The following CNTNAP4 variants were observed in gnomAD, a reference collection of about 807,000 sequenced individuals.
CNTNAP4 encodes the protein contactin associated protein family member 4, also known as contactin-associated protein-like 4.
A neutral mutation model predicts 148.4 loss-of-function variants in CNTNAP4; 98 were observed. That is an observed-to-expected ratio of 0.66 (90% confidence interval 0.56 to 0.78). The LOEUF is 0.78. CNTNAP4 is among the 30% of genes least tolerant of loss of function. CNTNAP4 has a pLI of 0.00. For missense variants in CNTNAP4, 1,935 were observed against 1,565.6 expected (o/e 1.24, Z -3.98); for synonymous variants, 730 against 565.1 (o/e 1.29, Z -4.14).
intron 2 of CNTNAP4, among the ~76,000 whole-genome samples, chr16:76,342,630 G>A (rs1233366825): frequency 6.6e-6 from 1 of 151,868 alleles, no homozygotes; most frequent in African/African-American, 2.4e-5. Flanking sequence ...CCGCCACCAC[G>A]CTTGGCTAAT....
At chr16:76,440,450 C>G (rs1230401799) in intron 4 of CNTNAP4, among the ~76,000 whole-genome samples, 2 of 152,096 alleles carry the variant, frequency 1.3e-5, no homozygotes, top group Non-Finnish European at 2.9e-5. Flanking sequence ...CTTCAAGGGA[C>G]AAATCTCTAC....
At chr16:76,401,119 TG>T (rs2078400736) in intron 3 of CNTNAP4, among the ~76,000 whole-genome samples, 1 of 152,192 alleles carries the variant, frequency 6.6e-6, no homozygotes, top group Admixed American at 6.5e-5. Context: ...ATCTGTACAT[TG>T]CTTTGGGCAG....
intron 2 of CNTNAP4, among the ~76,000 whole-genome samples, chr16:76,322,498 C>T (rs6564316): frequency 0.037 from 5,639 of 152,244 alleles, 361 homozygotes; most frequent in African/African-American, 0.13. Context: ...GGAATTAATT[C>T]ACTATTCTTG....
At chr16:76,438,582 C>T (rs949680733) in intron 4 of CNTNAP4, among the ~76,000 whole-genome samples, 1 of 152,036 alleles carries the variant, frequency 6.6e-6, no homozygotes, top group African/African-American at 2.4e-5. Flanking sequence ...TCCAACAAAA[C>T]TTGAAACTAA....
At chr16:76,408,992 C>T (rs1597449382) in intron 3 of CNTNAP4, among the ~76,000 whole-genome samples, 1 of 151,948 alleles carries the variant, frequency 6.6e-6, no homozygotes, top group African/African-American at 2.4e-5. Flanking sequence ...GGGAACAAAG[C>T]CACAATGAGT....
At chr16:76,455,349 G>A (rs1476361604) in intron 8 of CNTNAP4, among the ~76,000 whole-genome samples, 1 of 152,204 alleles carries the variant, frequency 6.6e-6, no homozygotes, top group Non-Finnish European at 1.5e-5. Context: ...CCCATGGGCA[G>A]GGCCTGGCAG....
chr16:76,411,683 C>T (rs1506831), intron 3 of CNTNAP4, among the ~76,000 whole-genome samples: 52,909 of 151,174 alleles, frequency 0.35, 10,908 homozygotes, highest in Non-Finnish European at 0.44. Flanking sequence ...AAAAAATCTT[C>T]TATTTTTGCT....
chr16:76,558,432 T>G (rs541815718), intron 23 of CNTNAP4, 58 bp from the exon 24 acceptor site: 2 of 975,632 alleles, frequency 2.0e-6, no homozygotes, highest in East Asian at 4.8e-5. Flanking sequence ...AGCAATGAAG[T>G]CAGCACAGTT....
rs760154699 is a variant in CNTNAP4 at position 76,355,301 on chromosome 16, T to C, written c.197-17T>C. 6.7e-7 allele frequency: 1 copy of C among 1,494,468 alleles called. No homozygotes were observed. The allele number at this position is 1,494,468 out of a possible 1,614,324, so 92.6% of individuals were successfully genotyped here. The stretch of plus-strand genomic sequence containing the variant: ...TTTCCTTTCTCAATTTTCTCCTGTT[T>C]CTATTTTTAATAAAAGGAGCTGGTG... On this transcript the variant is annotated splice_polypyrimidine_tract_variant and intron_variant, in intron 2 of 23. Transcript: ENST00000611870.
intron 15 of CNTNAP4, among the ~76,000 whole-genome samples, chr16:76,512,353 A>G (rs897686529): frequency 1.3e-5 from 2 of 152,180 alleles, no homozygotes; most frequent in African/African-American, 4.8e-5. Context: ...TCACCAACCC[A>G]GCTGAGAAAT....
At chr16:76,353,279 G>A (rs914521825) in intron 2 of CNTNAP4, among the ~76,000 whole-genome samples, 5 of 152,152 alleles carry the variant, frequency 3.3e-5, no homozygotes, top group African/African-American at 9.7e-5. Flanking sequence ...AAGAAACAGG[G>A]ATTATACCTG....
chr16:76,350,200 G>C (rs1215887722), intron 2 of CNTNAP4, among the ~76,000 whole-genome samples: 1 of 151,978 alleles, frequency 6.6e-6, no homozygotes, highest in Non-Finnish European at 1.5e-5. Flanking sequence ...TACTCCAGGG[G>C]TAAAGAATGA....
intron 13 of CNTNAP4, among the ~76,000 whole-genome samples, chr16:76,493,829 A>G (rs2082310726): frequency 6.6e-6 from 1 of 152,182 alleles, no homozygotes; most frequent in African/African-American, 2.4e-5. Flanking sequence ...ACTGGCATGT[A>G]TAGTAACCCT....
chr16:76,417,400 A>G (rs1750839763), intron 3 of CNTNAP4, among the ~76,000 whole-genome samples: 1 of 151,400 alleles, frequency 6.6e-6, no homozygotes, highest in South Asian at 2.1e-4. Flanking sequence ...CCTTAAACTA[A>G]ACCAAAGTCT....
At chr16:76,500,249 C>T (rs1045488829) in intron 15 of CNTNAP4, among the ~76,000 whole-genome samples, 31 of 152,180 alleles carry the variant, frequency 2.0e-4, no homozygotes, top group African/African-American at 6.0e-4. Flanking sequence ...ACCTTCCGGA[C>T]GGGGCGGCTG....
At chr16:76,488,236 C>G (rs958403557) in intron 12 of CNTNAP4, among the ~76,000 whole-genome samples, 2 of 152,100 alleles carry the variant, frequency 1.3e-5, no homozygotes, top group Non-Finnish European at 2.9e-5. Context: ...GCACAAGATC[C>G]ATGCCAGATC....
At chr16:76,407,247 C>T (rs187266524) in intron 3 of CNTNAP4, among the ~76,000 whole-genome samples, 76 of 152,124 alleles carry the variant, frequency 5.0e-4, no homozygotes, top group East Asian at 3.5e-3. Flanking sequence ...TGAAGCCTAC[C>T]GGGCTCAAAT....
chr16:76,358,787 A>G (rs985695758), intron 3 of CNTNAP4, among the ~76,000 whole-genome samples: 6 of 152,342 alleles, frequency 3.9e-5, no homozygotes, highest in South Asian at 4.1e-4. Context: ...CACACATAAC[A>G]TAGCTAAGTT....
intron 2 of CNTNAP4, among the ~76,000 whole-genome samples, chr16:76,321,604 A>G (rs1962418374): frequency 1.3e-5 from 2 of 151,930 alleles, no homozygotes; most frequent in Admixed American, 6.6e-5. Flanking sequence ...CCTGGCTAAC[A>G]TGGTGAAACC....
Sources: gnomAD v4.1 joint callset for allele counts (sites outside exome capture counted in the v4.1 genomes callset) on GRCh38, gnomAD v4.1.1 for gene constraint, MANE v1.5 for transcripts, NCBI Gene and HGNC (gene_info 2026-07-23, HGNC 2026-07-21) for gene names.